The following VWA8 variants were observed in gnomAD, a reference collection of about 807,000 sequenced individuals.
VWA8 encodes the protein von Willebrand factor A domain-containing protein 8.
In VWA8, 221 loss-of-function variants were observed where a neutral mutation model predicts 241.5. That is an observed-to-expected ratio of 0.91 (90% confidence interval 0.82 to 1.02). The LOEUF (loss-of-function observed/expected upper bound fraction) is 1.02. Ranked by LOEUF, VWA8 falls within the 50% of genes least tolerant of loss-of-function variation. The pLI is 0.00. For synonymous variants in VWA8, 852 were observed against 827.1 expected, an observed-to-expected ratio of 1.03 and a Z score of -0.52; for missense variants, 2,322 against 2,328.7, an observed-to-expected ratio of 1.00 and a Z score of 0.06.
At chr13:41,912,247 TTA>T (rs35273694) in intron 2 of VWA8, 79 bp from the exon 3 acceptor site, 268,830 of 979,080 alleles carry the variant, frequency 0.27, 43,699 homozygotes, top group Admixed American at 0.3. Context: ...GTGGACATAT[TTA>T]TATATATATA....
chr13:41,710,261 G>A (rs1184903499), intron 26 of VWA8, among the ~76,000 whole-genome samples: 2 of 152,112 alleles, frequency 1.3e-5, no homozygotes, highest in Admixed American at 6.6e-5. Flanking sequence ...ATTTAGAAAC[G>A]ATAGCTACAG....
chr13:41,743,880 A>G (rs1036918921), intron 21 of VWA8, among the ~76,000 whole-genome samples: 1 of 152,184 alleles, frequency 6.6e-6, no homozygotes, highest in Non-Finnish European at 1.5e-5. Flanking sequence ...GTTTGTTGCA[A>G]TAGATCTCCT....
intron 40 of VWA8, among the ~76,000 whole-genome samples, chr13:41,593,028 A>G (rs2044466349): frequency 6.6e-6 from 1 of 152,234 alleles, no homozygotes; most frequent in Admixed American, 6.5e-5. Flanking sequence ...GCATGCTTCC[A>G]TCAGTGTTTC....
At chr13:41,787,639 C>CACA in intron 17 of VWA8, 96 bp from the exon 18 acceptor site, 30 of 755,154 alleles carry the variant, frequency 4.0e-5, no homozygotes, top group African/African-American at 8.8e-5. Flanking sequence ...CACACACACT[C>CACA]CTTACTAATT....
chr13:41,767,617 C>T (rs952279573), intron 20 of VWA8, among the ~76,000 whole-genome samples: 22 of 152,122 alleles, frequency 1.4e-4, no homozygotes, highest in Non-Finnish European at 3.2e-4. Context: ...CAAATGGGTT[C>T]GTTGTAACGG....
intron 37 of VWA8, among the ~76,000 whole-genome samples, chr13:41,660,148 C>T (rs2044939527): frequency 6.6e-6 from 1 of 151,920 alleles, no homozygotes; most frequent in Admixed American, 6.6e-5. Flanking sequence ...CAGAGTCTCA[C>T]TCTATCACCC....
intron 37 of VWA8, among the ~76,000 whole-genome samples, chr13:41,662,014 A>G (rs2044953223): frequency 6.6e-6 from 1 of 152,158 alleles, no homozygotes; most frequent in Non-Finnish European, 1.5e-5. Flanking sequence ...TTTTTTTGCG[A>G]ACATTGCACT....
chr13:41,643,219 C>T (rs1003744955), intron 37 of VWA8, among the ~76,000 whole-genome samples: 1 of 152,158 alleles, frequency 6.6e-6, no homozygotes. Context: ...TTGCATTTCC[C>T]TTCTAGTAAC....
chr13:41,620,338 C>T (rs1333177077), intron 37 of VWA8, among the ~76,000 whole-genome samples: 1 of 151,910 alleles, frequency 6.6e-6, no homozygotes, highest in African/African-American at 2.4e-5. Context: ...TTTTTTATTG[C>T]ATTTATTTGA....
At chr13:41,807,672 G>A (rs1870275411) in intron 17 of VWA8, 1 of 152,194 alleles carries the variant, frequency 6.6e-6, no homozygotes, top group South Asian at 2.1e-4. Flanking sequence ...CAAATGATGA[G>A]GATAGCTGGG....
At chr13:41,947,998 G>A (rs1877944088) in intron 2 of VWA8, among the ~76,000 whole-genome samples, 2 of 138,268 alleles carry the variant, frequency 1.4e-5, no homozygotes, top group Admixed American at 7.5e-5. Flanking sequence ...TAAACATAGA[G>A]TTACCATGTG....
chr13:41,610,020 C>T (rs2044577404), intron 39 of VWA8, among the ~76,000 whole-genome samples: 1 of 152,136 alleles, frequency 6.6e-6, no homozygotes, highest in Non-Finnish European at 1.5e-5. Context: ...ATACTTGTGG[C>T]CAGGCACTGT....
intron 13 of VWA8, 31 bp downstream of exon 13, chr13:41,833,340 T>C (rs1871555830): frequency 6.3e-7 from 1 of 1,581,360 alleles, no homozygotes; most frequent in Admixed American, 1.8e-5. Flanking sequence ...GGGGTGTGTG[T>C]CTGTGTGTGA....
chr13:41,714,240 G>A (rs2137840807), intron 26 of VWA8, among the ~76,000 whole-genome samples: 2 of 151,960 alleles, frequency 1.3e-5, no homozygotes, highest in South Asian at 4.2e-4. Context: ...AGAAATGGAT[G>A]TTTGTTAAAT....
At chr13:41,848,827 G>C (rs1264546151) in intron 12 of VWA8, among the ~76,000 whole-genome samples, 1 of 152,206 alleles carries the variant, frequency 6.6e-6, no homozygotes. Context: ...GGGGCTCCCT[G>C]TCTGCAGCTA....
At chr13:41,858,087 C>T (rs1363478851) in intron 12 of VWA8, among the ~76,000 whole-genome samples, 2 of 152,134 alleles carry the variant, frequency 1.3e-5, no homozygotes, top group Admixed American at 6.5e-5. Flanking sequence ...CACCACCACA[C>T]CACCTCTTTC....
chr13:41,924,365 C>G (rs1316703002), intron 2 of VWA8, among the ~76,000 whole-genome samples: 1 of 127,324 alleles, frequency 7.9e-6, no homozygotes, highest in East Asian at 2.2e-4. Flanking sequence ...TCAAAAGAAA[C>G]AGAAACAGAA....
intron 1 of VWA8, among the ~76,000 whole-genome samples, chr13:41,951,505 T>C (rs1452535950): frequency 6.6e-6 from 1 of 152,230 alleles, no homozygotes; most frequent in Non-Finnish European, 1.5e-5. Context: ...CAGTTCTATT[T>C]TTTAATGTAA....
chr13:41,882,173 A>C (rs185764977), intron 9 of VWA8, among the ~76,000 whole-genome samples: 1 of 147,824 alleles, frequency 6.8e-6, no homozygotes, highest in South Asian at 2.1e-4. Context: ...ACGGGGCGGC[A>C]GGGCAGAGGC....
Sources: allele counts gnomAD v4.1 joint callset (sites outside exome capture counted in the v4.1 genomes callset), GRCh38; gene constraint gnomAD v4.1.1; transcripts MANE v1.5; gene names NCBI Gene and HGNC (gene_info 2026-07-23, HGNC 2026-07-21).